The following CAPZB variants were observed in gnomAD, a reference collection of about 807,000 sequenced individuals.
The protein encoded by CAPZB is F-actin-capping protein subunit beta.
CAPZB carries 2 observed loss-of-function variants against 38.1 expected under a neutral mutation model. That is an observed-to-expected ratio of 0.05 (90% CI 0.02 to 0.17). The LOEUF is 0.17. Among genes scored for constraint, CAPZB ranks in the 10% least tolerant of loss-of-function variants. The pLI, the probability that CAPZB is intolerant of heterozygous loss-of-function variation, is 1.00. For synonymous variants in CAPZB, 107 were observed against 127.4 expected, an observed-to-expected ratio of 0.84 and a Z score of 1.08; for missense variants, 161 against 334.2, an observed-to-expected ratio of 0.48 and a Z score of 4.04.
intron 8 of CAPZB, chr1:19,342,624 C>A: frequency 1.5e-6 from 1 of 668,744 alleles, no homozygotes; most frequent in Non-Finnish European, 2.7e-6. Flanking sequence ...TGTGCACCGA[C>A]CGGGAGCACA....
chr1:19,484,331 G>C, intron 1 of CAPZB: 2 of 1,581,040 alleles, frequency 1.3e-6, no homozygotes, highest in Non-Finnish European at 1.7e-6. Flanking sequence ...CCAAGGCCAC[G>C]GCCTCACAAG....
chr1:19,398,541 G>A (rs2094285237), intron 2 of CAPZB, among the ~76,000 whole-genome samples: 1 of 152,170 alleles, frequency 6.6e-6, no homozygotes, highest in Non-Finnish European at 1.5e-5. Context: ...CGGGTGCTAA[G>A]GCAGACTCAA....
intron 4 of CAPZB, among the ~76,000 whole-genome samples, chr1:19,377,564 G>A (rs2094150299): frequency 6.6e-6 from 1 of 152,246 alleles, no homozygotes; most frequent in Admixed American, 6.5e-5. Context: ...ACATTTTAAA[G>A]GTTCAACAGA....
chr1:19,376,283 G>A (rs1183963640), intron 4 of CAPZB, among the ~76,000 whole-genome samples: 1 of 152,148 alleles, frequency 6.6e-6, no homozygotes, highest in Non-Finnish European at 1.5e-5. Context: ...CCCCAAGCTG[G>A]GGGAAAATCT....
chr1:19,374,982 G>T (rs2094137830), intron 4 of CAPZB, among the ~76,000 whole-genome samples: 1 of 152,126 alleles, frequency 6.6e-6, no homozygotes, highest in South Asian at 2.1e-4. Flanking sequence ...AGAAAACCGA[G>T]TGTGACCCTG....
At chr1:19,439,707 C>G (rs552269713) in intron 1 of CAPZB, among the ~76,000 whole-genome samples, 1 of 152,368 alleles carries the variant, frequency 6.6e-6, no homozygotes, top group East Asian at 1.9e-4. Flanking sequence ...GCTTCCCTCC[C>G]GGCTGACACT....
At chr1:19,382,118 G>A (rs936742982) in intron 3 of CAPZB, among the ~76,000 whole-genome samples, 4 of 152,120 alleles carry the variant, frequency 2.6e-5, no homozygotes, top group African/African-American at 9.7e-5. Context: ...TCATTTCAAG[G>A]CACCCTGATT....
intron 1 of CAPZB, among the ~76,000 whole-genome samples, chr1:19,481,904 T>C (rs990718448): frequency 6.6e-6 from 1 of 152,192 alleles, no homozygotes; most frequent in Non-Finnish European, 1.5e-5. Flanking sequence ...ATGTGAGCCA[T>C]GAGGGCAGAG....
intron 4 of CAPZB, among the ~76,000 whole-genome samples, chr1:19,363,259 A>ATTTTTT (rs1558186990): frequency 1.2e-3 from 104 of 83,592 alleles, no homozygotes; most frequent in African/African-American, 3.4e-3. Context: ...TTAAAAAAAA[A>ATTTTTT]ATTTTTTTTT....
chr1:19,462,770 A>G (rs1369932059), intron 1 of CAPZB, among the ~76,000 whole-genome samples: 1 of 152,250 alleles, frequency 6.6e-6, no homozygotes, highest in African/African-American at 2.4e-5. Flanking sequence ...GGGAGTCAAC[A>G]TTCATCAGCA....
intron 1 of CAPZB, chr1:19,484,400 C>T (rs1260695378): frequency 6.5e-7 from 1 of 1,528,350 alleles, no homozygotes; most frequent in Non-Finnish European, 8.8e-7. Flanking sequence ...TCGGCTCCCA[C>T]TCAGGCCCGG....
intron 8 of CAPZB, chr1:19,342,685 C>G (rs999117208): frequency 1.0e-6 from 1 of 986,338 alleles, no homozygotes; most frequent in African/African-American, 1.6e-5. Context: ...GCCGGACCGG[C>G]AGGGTCTCGG....
chr1:19,340,549 C>G (rs182361341), intron 8 of CAPZB, among the ~76,000 whole-genome samples: 2 of 152,114 alleles, frequency 1.3e-5, no homozygotes, highest in African/African-American at 2.4e-5. Flanking sequence ...ACTATCAACC[C>G]GGCCGGATGT....
chr1:19,436,587 C>A (rs1180521728), intron 1 of CAPZB, among the ~76,000 whole-genome samples: 1 of 152,188 alleles, frequency 6.6e-6, no homozygotes, highest in East Asian at 1.9e-4. Flanking sequence ...TTTGCTGTCA[C>A]ACCTCAATGC....
chr1:19,384,333 A>G (rs1442989863), intron 3 of CAPZB, among the ~76,000 whole-genome samples: 1 of 152,138 alleles, frequency 6.6e-6, no homozygotes, highest in East Asian at 1.9e-4. Flanking sequence ...AGCACCCAGC[A>G]GGCTCTTCCC....
chr1:19,421,282 C>T (rs1031746493), intron 1 of CAPZB, among the ~76,000 whole-genome samples: 2 of 152,182 alleles, frequency 1.3e-5, no homozygotes, highest in Non-Finnish European at 2.9e-5. Flanking sequence ...GGCCGTGGGG[C>T]AAGGACCCAC....
At chr1:19,395,385 G>A (rs2094261481) in intron 2 of CAPZB, among the ~76,000 whole-genome samples, 1 of 152,094 alleles carries the variant, frequency 6.6e-6, no homozygotes, top group South Asian at 2.1e-4. Flanking sequence ...TCTTTTCTCA[G>A]ACAGGTGCCC....
intron 4 of CAPZB, among the ~76,000 whole-genome samples, chr1:19,366,283 A>AAAATATATATATATATATATATAT (rs2094085270): frequency 3.3e-5 from 2 of 60,504 alleles, no homozygotes; most frequent in African/African-American, 1.3e-4. Flanking sequence ...CGTGTCTTAA[A>AAAATATATATATATATATATATAT]ATATATATAT....
chr1:19,379,100 C>CTTTCT (rs1553273276), intron 3 of CAPZB, among the ~76,000 whole-genome samples: 44 of 138,266 alleles, frequency 3.2e-4, no homozygotes, highest in African/African-American at 1.0e-3. Context: ...TTTTTTCTTT[C>CTTTCT]TTTTTTTTTT....
Sources: gnomAD v4.1 joint callset for allele counts (sites outside exome capture counted in the v4.1 genomes callset) on GRCh38, gnomAD v4.1.1 for gene constraint, MANE v1.5 for transcripts, NCBI Gene and HGNC (gene_info 2026-07-23, HGNC 2026-07-21) for gene names.